Variants in AZI2 observed in about 807,000 individuals in gnomAD.
AZI2 encodes the protein 5-azacytidine-induced protein 2.
A neutral mutation model predicts 45.8 loss-of-function variants in AZI2; 22 were observed. The ratio of observed to expected loss-of-function variants is 0.48; its 90% CI spans 0.34 to 0.69. AZI2 has a LOEUF of 0.69. AZI2 is among the 30% of genes least tolerant of loss of function. The pLI, the probability that AZI2 is intolerant of heterozygous loss-of-function variation, is 0.01. For missense variants in AZI2, 417 were observed against 441.5 expected, an observed-to-expected ratio of 0.94 and a Z score of 0.50; for synonymous variants, 137 against 156.7, an observed-to-expected ratio of 0.87 and a Z score of 0.94.
In AZI2 at chr3:28,321,434, A is replaced by G. The variant is rs1227657937; in HGVS notation, c.*2608T>C. 1 of 151,440 alleles carries G rather than the reference A, an allele frequency of 6.6e-6. No individual in the cohort carries two copies. Among genetic ancestry groups the G allele is most frequent in the Admixed American group, 6.6e-5 (1 of 15,132 alleles). 9.4% of individuals were successfully genotyped at this position (151,440 alleles called of 1,614,324 possible). A position where few individuals can be genotyped will look rare whatever the true frequency, so the allele number is the denominator to read the frequency against. On this transcript the variant is annotated 3_prime_UTR_variant, in exon 8 of 8. Coordinates refer to ENST00000479665, the MANE Select transcript of AZI2 (RefSeq NM_022461.5). The stretch of plus-strand genomic sequence containing the variant: ...TAGAAGCCAGATTAGATTACACAGT[A>G]TAAATAATATGTTCATCCTCCTTAT...
At chr3:28,326,787 G>A (rs754300613) in intron 7 of AZI2, 45 bp downstream of exon 7, 1 of 1,386,036 alleles carries the variant, frequency 7.2e-7, no homozygotes, top group Admixed American at 1.7e-5. Context: ...TTGCTCTTCA[G>A]GCAGTTTGGC....
At position 28,338,543 on chromosome 3, in the gene AZI2, G is replaced by A. The variant is rs1475381397; in HGVS notation, c.289C>T (p.Arg97Ter). Residue 97 changes from arginine to a stop codon, truncating the protein, a stop_gained, in exon 3 of 8, where the codon CGA (arginine) becomes TGA (stop). Transcript: ENST00000479665. LOFTEE classifies it high-confidence loss of function. ...EQVNKAYHAY[R>*]EVCIDRDNLK... Reference sequence around the variant, plus strand: ...TTATCTCTATCAATGCAAACCTCTCGATATGCATGATAGGCCTTATTTACT... The same window carrying A: ...TTATCTCTATCAATGCAAACCTCTCAATATGCATGATAGGCCTTATTTACT... 2 of 1,605,492 alleles carry A rather than the reference G, an allele frequency of 1.2e-6. No individual in the cohort carries two copies. Among genetic ancestry groups the A allele is most frequent in the Non-Finnish European group, 1.7e-6 (2 of 1,174,288 alleles).
In AZI2 at chr3:28,323,081, A is replaced by G. The variant is rs1703239368; in HGVS notation, c.*961T>C. Reference sequence around the variant, plus strand: ...AGCCCAAACCCTGATTTCTATGATTAAAAATAATAATTTTAAATCACTTTC... The same window carrying G: ...AGCCCAAACCCTGATTTCTATGATTGAAAATAATAATTTTAAATCACTTTC... On this transcript the variant is annotated 3_prime_UTR_variant, in exon 8 of 8. Transcript: ENST00000479665. 1 of 151,180 alleles carries G rather than the reference A, an allele frequency of 6.6e-6. No homozygotes were observed. The allele number at this position is 151,180 out of a possible 1,614,324, so 9.4% of individuals were successfully genotyped here.
chr3:28,333,111 G>C (rs1226937607), intron 5 of AZI2, among the ~76,000 whole-genome samples: 1 of 151,656 alleles, frequency 6.6e-6, no homozygotes, highest in African/African-American at 2.4e-5. Flanking sequence ...GATTATCACA[G>C]GTACTAATTC....
chr3:28,348,164 T>C (rs1407745320), intron 1 of AZI2: 1 of 152,228 alleles, frequency 6.6e-6, no homozygotes, highest in African/African-American at 2.4e-5. Context: ...CGAATACCTG[T>C]TAGCCCTCGA....
intron 7 of AZI2, 47 bp from the exon 8 acceptor site, chr3:28,324,501 A>G: frequency 7.2e-7 from 1 of 1,395,710 alleles, no homozygotes; most frequent in East Asian, 2.4e-5. Flanking sequence ...TACATTTGTG[A>G]TCATAAAATT....
chr3:28,345,503 TTTAC>T (rs1442325804), intron 1 of AZI2, among the ~76,000 whole-genome samples: 4 of 152,044 alleles, frequency 2.6e-5, no homozygotes, highest in Admixed American at 2.6e-4. Flanking sequence ...TCCTTAGAGG[TTTAC>T]TTAAATATAA....
chr3:28,325,285 T>G (rs1383550776), intron 7 of AZI2: 4 of 151,098 alleles, frequency 2.6e-5, no homozygotes, highest in African/African-American at 7.3e-5. Flanking sequence ...GAAAGGTAAG[T>G]TTATCCTTAG....
chr3:28,325,901 GA>G (rs1034476729), intron 7 of AZI2, among the ~76,000 whole-genome samples: 1 of 150,966 alleles, frequency 6.6e-6, no homozygotes, highest in Non-Finnish European at 1.5e-5. Context: ...CTCTAAAAAT[GA>G]AAAGGAGTTC....
Position 28,326,909 on chromosome 3 carries a change from A to T in AZI2, c.689T>A (p.Met230Lys). The part of the protein sequence containing the change: ...QHAYWELKRE[M>K]SNLHLVTQVQ... ...TTGAGTCACCAGATGTAAATTAGAC[A>T]TTTCTCTCTTCAGTTCCCAGTATGC... The change falls in exon 7 of 8, where the codon ATG (methionine) becomes AAG (lysine). Residue 230 changes from methionine (M) to lysine (K), a missense_variant. Coordinates refer to ENST00000479665, the MANE Select transcript of AZI2 (RefSeq NM_022461.5). 1 of 1,608,214 alleles carries T rather than the reference A, an allele frequency of 6.2e-7. No homozygotes were observed. The highest frequency in any genetic ancestry group is 8.5e-7 in the Non-Finnish European group (1 of 1,175,932).
At chr3:28,339,635 T>C (rs945197766) in intron 2 of AZI2, among the ~76,000 whole-genome samples, 3 of 152,172 alleles carry the variant, frequency 2.0e-5, no homozygotes, top group African/African-American at 7.2e-5. Flanking sequence ...TTTTTTTATA[T>C]AGGATAATTC....
intron 3 of AZI2, among the ~76,000 whole-genome samples, 167 bp from the exon 4 acceptor site, chr3:28,338,203 A>C (rs1703874070): frequency 6.6e-6 from 1 of 151,668 alleles, no homozygotes; most frequent in South Asian, 2.1e-4. Flanking sequence ...CTAATTTAGG[A>C]CATCATTATT....
chr3:28,340,720 T>C, intron 1 of AZI2, 98 bp from the exon 2 acceptor site: 1 of 960,630 alleles, frequency 1.0e-6, no homozygotes, highest in East Asian at 2.6e-5. Flanking sequence ...ACTAGGACAA[T>C]GTTTAAAAAC....
chr3:28,330,408 C>T (rs1000990811), intron 6 of AZI2, among the ~76,000 whole-genome samples: 1 of 151,232 alleles, frequency 6.6e-6, no homozygotes, highest in African/African-American at 2.4e-5. Flanking sequence ...AATATCTAAA[C>T]CTTTAGTTAA....
In AZI2 at chr3:28,338,162, C is replaced by CA. The variant is rs1491442085; in HGVS notation, c.340-127dup. On this transcript the variant is annotated intron_variant, in intron 3 of 7. Coordinates refer to ENST00000479665, the MANE Select transcript of AZI2 (RefSeq NM_022461.5). ...TAAAAGCAAGGTGACAAAATGAACT[C>CA]AGTTTCTCAGAAATGTCTTTTTTTC... The CA allele has an allele frequency of 2.8e-5, 14 of 508,984 alleles. No individual in the cohort carries two copies. The East Asian group carries it at 4.7e-4, about 17-fold the overall frequency. The allele number at this position is 508,984 out of a possible 1,614,324, so 31.5% of individuals were successfully genotyped here.
Position 28,324,424 on chromosome 3 carries a change from A to G in AZI2, c.797T>C (p.Leu266Pro), listed in dbSNP as rs1703303707. 8 of 1,525,088 alleles carry G rather than the reference A, an allele frequency of 5.2e-6. No homozygotes were observed. Among genetic ancestry groups the G allele is most frequent in the Admixed American group, 2.1e-5 (1 of 47,736 alleles). 94.5% of individuals were successfully genotyped at this position (1,525,088 alleles called of 1,614,324 possible). The change falls in exon 8 of 8, where the codon CTT becomes CCT. Residue 266 changes from leucine to proline, a missense_variant. Leu to Pro is a moderately conservative substitution (Grantham distance 98, BLOSUM62 -3). Transcript: ENST00000479665. ...GTGCAGTTTTGTGCTGTCTCTTCCA[A>G]GGTCTTCACTGCATCCTACAGGGGC... ...ACAPVGCSED[L>P]GRDSTKLHLM... is the part of the protein sequence containing the mutation.
intron 6 of AZI2, among the ~76,000 whole-genome samples, chr3:28,329,779 A>G (rs1051393687): frequency 6.6e-6 from 1 of 151,214 alleles, no homozygotes; most frequent in African/African-American, 2.4e-5. Context: ...GGTTCCCCCC[A>G]AACAAGTGGC....
chr3:28,336,864 G>A lies in AZI2; in HGVS notation c.461C>T (p.Pro154Leu), dbSNP rs1193075960. Residue 154 changes from proline (P) to leucine (L), a missense_variant, in exon 5 of 8, where the codon CCT becomes CTT. Physicochemically the swap from Pro to Leu is moderately conservative, Grantham distance 98 (BLOSUM62 -3). Coordinates refer to ENST00000479665, the MANE Select transcript of AZI2 (RefSeq NM_022461.5). ...TQQVMRNLNP[P>L]SSNWEVEKLS... ...CTTTTCCACCTCCCAGTTTGATGAA[G>A]GTGGATTTAAATTCCTCATCACTAC... 4 of 1,612,868 alleles carry A rather than the reference G, an allele frequency of 2.5e-6. No individual in the cohort carries two copies. The South Asian group carries it at 3.3e-5, about 13-fold the overall frequency.
chr3:28,331,286 G>A (rs1703560334), intron 6 of AZI2, among the ~76,000 whole-genome samples: 1 of 151,298 alleles, frequency 6.6e-6, no homozygotes, highest in African/African-American at 2.4e-5. Flanking sequence ...AAAATAAGGG[G>A]AAACCTAGGT....
Sources: allele counts gnomAD v4.1 joint callset (sites outside exome capture counted in the v4.1 genomes callset), GRCh38; gene constraint gnomAD v4.1.1; transcripts MANE v1.5; gene names NCBI Gene and HGNC (gene_info 2026-07-23, HGNC 2026-07-21).